The following MGA variants were observed in gnomAD, a reference collection of about 807,000 sequenced individuals.
The protein encoded by MGA is MAX dimerization protein MGA.
In MGA, 40 loss-of-function variants were observed where a neutral mutation model predicts 261.1. That is an observed-to-expected ratio of 0.15 (90% CI 0.12 to 0.20). The LOEUF (loss-of-function observed/expected upper bound fraction) is 0.20, where lower values mean the gene tolerates loss of function less well. Among genes scored for constraint, MGA ranks in the 10% least tolerant of loss-of-function variants. MGA has a pLI of 1.00. For missense variants in MGA, 3,397 were observed against 3,630.5 expected (o/e 0.94, Z 1.65); for synonymous variants, 1,302 against 1,290.6 (o/e 1.01, Z -0.19).
In MGA at chr15:41,768,086, T is replaced by C. The variant is rs2063887575; in HGVS notation, c.*806T>C. ...CTACCCCTTCCACAAATTACGTTAC[T>C]CAAGAGACAGCTAAAATAAAATGCA... On this transcript the variant is annotated 3_prime_UTR_variant, in exon 24 of 24. Transcript: ENST00000219905. 1 of 152,556 alleles carries C rather than the reference T, an allele frequency of 6.6e-6. No homozygotes were observed. The highest frequency in any genetic ancestry group is 2.4e-5 in the African/African-American group (1 of 41,432). 9.5% of individuals were successfully genotyped at this position (152,556 alleles called of 1,614,324 possible). A position where few individuals can be genotyped will look rare whatever the true frequency, so the allele number is the denominator to read the frequency against.
At chr15:41,700,948 T>TG (rs1371086584) in intron 5 of MGA, among the ~76,000 whole-genome samples, 3 of 152,172 alleles carry the variant, frequency 2.0e-5, no homozygotes, top group African/African-American at 7.2e-5. Flanking sequence ...CTAAATCAAA[T>TG]GGTAATACTT....
At chr15:41,733,580 A>G (rs2061621606) in intron 11 of MGA, among the ~76,000 whole-genome samples, 1 of 152,230 alleles carries the variant, frequency 6.6e-6, no homozygotes, top group Non-Finnish European at 1.5e-5. Flanking sequence ...GGTATAAATC[A>G]GCAGTTTTCT....
rs145693332 is a variant in MGA at position 41,710,580 on chromosome 15, G to C, written c.2426-111G>C. On this transcript the variant is annotated intron_variant, in intron 7 of 23. Transcript: ENST00000219905. ...CTGTGCCCAGCTAAGGGATAGTTTA[G>C]AAGATTCACTATCTTGTAGCTCAAT... The C allele has an allele frequency of 9.3e-4, 1,014 of 1,093,400 alleles. 9 individuals are homozygous for C. The African/African-American group carries it at 0.014, about 16-fold the overall frequency. The allele number at this position is 1,093,400 out of a possible 1,614,324, so 67.7% of individuals were successfully genotyped here.
At chr15:41,703,847 C>A (rs935476330) in intron 5 of MGA, among the ~76,000 whole-genome samples, 3 of 152,154 alleles carry the variant, frequency 2.0e-5, no homozygotes, top group Non-Finnish European at 4.4e-5. Flanking sequence ...GCTTTGTCAC[C>A]CAGCCTAGGC....
rs1336265275 is a variant in MGA at position 41,710,995 on chromosome 15, A to G, written c.2730A>G (p.Arg910=). Residue 910 remains arginine, a synonymous_variant, in exon 8 of 24, where the codon CGA becomes CGG. Coordinates refer to ENST00000219905, the MANE Select transcript of MGA (RefSeq NM_001164273.2). ...ACAGACAGGCAACTTTCAGTGGCCG[A>G]ACTAAATCATCTTATAAATCCATTT... 6.2e-7 allele frequency: 1 copy of G among 1,614,022 alleles called. No homozygotes were observed.
intron 5 of MGA, among the ~76,000 whole-genome samples, chr15:41,704,452 G>T (rs2060006541): frequency 6.6e-6 from 1 of 152,212 alleles, no homozygotes; most frequent in Non-Finnish European, 1.5e-5. Flanking sequence ...AAGGTCAGGA[G>T]ATCGAGACCA....
In MGA at chr15:41,669,674, T is replaced by C. The variant is rs1463933096; in HGVS notation, c.780T>C (p.Asp260=). 2.5e-6 allele frequency: 4 copies of C among 1,613,578 alleles called. No homozygotes were observed. The African/African-American group carries it at 5.3e-5, about 22-fold the overall frequency. The change falls in exon 2 of 24, where the codon GAT becomes GAC. Residue 260 remains aspartate, a synonymous_variant. Transcript: ENST00000219905. The stretch of plus-strand genomic sequence containing the variant: ...ATCCATTTGCCAAAGGCTTTCGGGA[T>C]GATGGGCTGAATAATAAGCCCCAGA...
At chr15:41,636,146 A>AT (rs1326165925) in intron 1 of MGA, among the ~76,000 whole-genome samples, 4 of 150,826 alleles carry the variant, frequency 2.7e-5, no homozygotes, top group Admixed American at 6.6e-5. Context: ...CTTGAGTTTA[A>AT]TTTTTTTTTA....
At chr15:41,685,236 G>A (rs2058892419) in intron 2 of MGA, among the ~76,000 whole-genome samples, 1 of 152,180 alleles carries the variant, frequency 6.6e-6, no homozygotes, top group African/African-American at 2.4e-5. Flanking sequence ...CCATTAAGTT[G>A]CATTGTTGCT....
chr15:41,744,109 T>A (rs1003909834), intron 15 of MGA, among the ~76,000 whole-genome samples: 1 of 152,208 alleles, frequency 6.6e-6, no homozygotes, highest in Non-Finnish European at 1.5e-5. Flanking sequence ...TTCCTCTCTG[T>A]CTTTTATGGA....
chr15:41,697,543 A>G (rs542603623), intron 3 of MGA, among the ~76,000 whole-genome samples: 2 of 151,492 alleles, frequency 1.3e-5, no homozygotes, highest in South Asian at 4.2e-4. Flanking sequence ...CAGCCTCACG[A>G]GTAGCTGGGA....
chr15:41,718,301 GTATA>G (rs57814590), intron 9 of MGA: 2,050 of 192,224 alleles, frequency 0.011, 13 homozygotes, highest in African/African-American at 0.027. Context: ...GTGTGTGTGT[GTATA>G]TATATATATA....
chr15:41,766,385 T>G lies in MGA; in HGVS notation c.8303T>G (p.Val2768Gly), dbSNP rs1164495327. 1 of 1,613,310 alleles carries G rather than the reference T, an allele frequency of 6.2e-7. No homozygotes were observed. Among genetic ancestry groups the G allele is most frequent in the South Asian group, 1.1e-5 (1 of 91,028 alleles). The change falls in exon 24 of 24, where the codon GTG becomes GGG. Residue 2768 changes from valine to glycine, a missense_variant. Physicochemically the swap from Val to Gly is moderately radical, Grantham distance 109 (BLOSUM62 -3). Around this residue, in one of 9 missense-constraint regions of MGA, gnomAD observed 647 missense variants for 642.4 expected, o/e 1.01. Transcript: ENST00000219905. The stretch of plus-strand genomic sequence containing the variant: ...GAGAGTGAATCAAGAGGGGAGAGAG[T>G]GAAGTCAAAGGATTCTTCATTTCAT...
At chr15:41,648,257 G>A (rs2056973321) in intron 1 of MGA, among the ~76,000 whole-genome samples, 1 of 152,204 alleles carries the variant, frequency 6.6e-6, no homozygotes, top group Non-Finnish European at 1.5e-5. Flanking sequence ...GAGCCAGAGT[G>A]TCTGGGTTCA....
intron 5 of MGA, among the ~76,000 whole-genome samples, chr15:41,702,968 G>C (rs2059924967): frequency 6.6e-6 from 1 of 152,092 alleles, no homozygotes; most frequent in Non-Finnish European, 1.5e-5. Flanking sequence ...AATTCTCTCA[G>C]TATCCAGAAT....
Position 41,749,467 on chromosome 15 carries a change from C to G in MGA, c.5860C>G (p.Pro1954Ala). Reference sequence around the variant, plus strand: ...CTTGTTACAGCTCCCAGGACAAAAGCCTGTTCCTAGCTCCATTCTTCAGCA... The same window carrying G: ...CTTGTTACAGCTCCCAGGACAAAAGGCTGTTCCTAGCTCCATTCTTCAGCA... Residue 1954 changes from proline to alanine, a missense_variant, in exon 17 of 24, where the codon CCT (proline) becomes GCT (alanine). Coordinates refer to ENST00000219905, the MANE Select transcript of MGA (RefSeq NM_001164273.2). 1.2e-6 allele frequency: 2 copies of G among 1,613,924 alleles called. No individual in the cohort carries two copies. Among genetic ancestry groups the G allele is most frequent in the Non-Finnish European group, 1.7e-6 (2 of 1,179,880 alleles).
At chr15:41,734,743 A>G in intron 12 of MGA, 149 bp downstream of exon 12, 1 of 611,796 alleles carries the variant, frequency 1.6e-6, no homozygotes. Context: ...AATAAGTAAA[A>G]GTTTTTTTTC....
chr15:41,687,056 T>A (rs1209343700), intron 2 of MGA, among the ~76,000 whole-genome samples: 1 of 152,156 alleles, frequency 6.6e-6, no homozygotes, highest in East Asian at 1.9e-4. Flanking sequence ...ATGTATTTGA[T>A]AGAATTTATC....
At chr15:41,665,092 A>G (rs2057653951) in intron 1 of MGA, among the ~76,000 whole-genome samples, 1 of 152,240 alleles carries the variant, frequency 6.6e-6, no homozygotes, top group Non-Finnish European at 1.5e-5. Context: ...TTTTAAAAAT[A>G]TCTATTATCT....
Sources: allele counts gnomAD v4.1 joint callset (sites outside exome capture counted in the v4.1 genomes callset), GRCh38; gene constraint gnomAD v4.1.1; regional missense constraint gnomAD v4.1.1; transcripts MANE v1.5; gene names NCBI Gene and HGNC (gene_info 2026-07-23, HGNC 2026-07-21).